Variants in KSR2 observed in about 807,000 individuals in gnomAD.
The protein encoded by KSR2 is kinase suppressor of ras 2.
Under a neutral mutation model 107.8 loss-of-function variants are expected in KSR2, and 25 were observed. The observed-to-expected ratio is 0.23, with a 90% CI of 0.17 to 0.32. KSR2 has a LOEUF of 0.32. Ranked by LOEUF, KSR2 falls within the 10% of genes least tolerant of loss-of-function variation. The probability of loss-of-function intolerance (pLI) is 1.00; values close to 1 mark genes in which losing one functional copy is unlikely to be tolerated. For missense variants in KSR2, 887 were observed against 1,268.9 expected (o/e 0.70, Z 4.57); for synonymous variants, 480 against 507.0 (o/e 0.95, Z 0.71).
At chr12:117,824,337 A>G (rs1185554209) in intron 3 of KSR2, among the ~76,000 whole-genome samples, 1 of 152,208 alleles carries the variant, frequency 6.6e-6, no homozygotes, top group Admixed American at 6.5e-5. Context: ...AAGACCTAGT[A>G]TTCAACAGAT....
chr12:117,891,911 G>C (rs1189877308), intron 1 of KSR2, among the ~76,000 whole-genome samples: 1 of 152,076 alleles, frequency 6.6e-6, no homozygotes, highest in Non-Finnish European at 1.5e-5. Flanking sequence ...GTGGTGGGAG[G>C]ATCACTTGAG....
At chr12:117,936,524 TTATTATTATTAGTAGTAGTAGTAGTAG>T (rs1382423898) in intron 1 of KSR2, among the ~76,000 whole-genome samples, 3 of 93,768 alleles carry the variant, frequency 3.2e-5, no homozygotes, top group African/African-American at 1.1e-4. Flanking sequence ...ATTATTATTA[TTATTATTATTAGTAGTAGTAGTAGTAG>T]TAGTAGTAGT....
intron 4 of KSR2, among the ~76,000 whole-genome samples, chr12:117,681,725 G>A (rs11068625): frequency 0.18 from 27,705 of 152,092 alleles, 3,169 homozygotes; most frequent in South Asian, 0.28. Flanking sequence ...TGTAAGGAAG[G>A]GGTCCAGTTT....
chr12:117,849,400 C>T (rs113283598), intron 3 of KSR2, among the ~76,000 whole-genome samples: 3,404 of 152,236 alleles, frequency 0.022, 121 homozygotes, highest in African/African-American at 0.078. Context: ...ACCATGCAAC[C>T]AATTTCGTTG....
chr12:117,915,063 T>G (rs1895135305), intron 1 of KSR2, among the ~76,000 whole-genome samples: 1 of 152,246 alleles, frequency 6.6e-6, no homozygotes, highest in South Asian at 2.1e-4. Flanking sequence ...AGCAACAGGC[T>G]GTGTCTGTAT....
intron 5 of KSR2, 140 bp downstream of exon 5, chr12:117,667,334 G>A: frequency 3.7e-6 from 3 of 813,042 alleles, no homozygotes; most frequent in Non-Finnish European, 5.8e-6. Context: ...CAGATGATGG[G>A]TGAAGCTCTA....
intron 3 of KSR2, among the ~76,000 whole-genome samples, chr12:117,787,036 A>G (rs1478359326): frequency 3.9e-5 from 6 of 152,072 alleles, no homozygotes; most frequent in Non-Finnish European, 8.8e-5. Flanking sequence ...TCTCAAAAAA[A>G]AAAAAAATTA....
intron 5 of KSR2, among the ~76,000 whole-genome samples, chr12:117,599,857 C>T (rs1214050190): frequency 6.6e-6 from 1 of 152,140 alleles, no homozygotes; most frequent in Non-Finnish European, 1.5e-5. Flanking sequence ...GAACGGTGAC[C>T]ATGGTGGGGG....
At chr12:117,495,773 G>A (rs1053466609) in intron 14 of KSR2, among the ~76,000 whole-genome samples, 9 of 152,144 alleles carry the variant, frequency 5.9e-5, no homozygotes, top group African/African-American at 1.7e-4. Context: ...GGTCAGAGGC[G>A]GCCGGGCGCA....
intron 1 of KSR2, among the ~76,000 whole-genome samples, chr12:117,951,803 TC>T (rs773168494): frequency 3.1e-4 from 47 of 152,232 alleles, no homozygotes; most frequent in Non-Finnish European, 5.3e-4. Context: ...GGAGGGAGGT[TC>T]CCAGGAAGCG....
chr12:117,885,251 C>T (rs1183913655), intron 1 of KSR2, among the ~76,000 whole-genome samples: 1 of 152,102 alleles, frequency 6.6e-6, no homozygotes, highest in Non-Finnish European at 1.5e-5. Flanking sequence ...CACTACTGCC[C>T]CTATTTATTG....
At position 117,582,286 on chromosome 12, in the gene KSR2, C is replaced by G; in HGVS notation, c.1241+4G>C. 6.2e-7 allele frequency: 1 copy of G among 1,612,964 alleles called. No individual in the cohort carries two copies. Among genetic ancestry groups the G allele is most frequent in the Non-Finnish European group, 8.5e-7 (1 of 1,179,026 alleles). The stretch of plus-strand genomic sequence containing the variant: ...GCACCAGTGCACACAGGAATCCAGC[C>G]TACCTGTGCTTGATGGAGTTGCCGA... On this transcript the variant is annotated splice_donor_region_variant and intron_variant, in intron 6 of 19. Transcript: ENST00000339824.
intron 2 of KSR2, among the ~76,000 whole-genome samples, chr12:117,856,736 G>A (rs969604350): frequency 2.0e-5 from 3 of 152,006 alleles, no homozygotes; most frequent in East Asian, 1.9e-4. Flanking sequence ...CTCAGCCTCC[G>A]AAAGTAAATA....
chr12:117,929,829 T>C (rs1895647332), intron 1 of KSR2, among the ~76,000 whole-genome samples: 2 of 152,010 alleles, frequency 1.3e-5, no homozygotes, highest in South Asian at 2.1e-4. Context: ...AGACAGAAAG[T>C]AGAATAGATG....
At chr12:117,640,440 G>A (rs928404845) in intron 5 of KSR2, among the ~76,000 whole-genome samples, 24 of 151,990 alleles carry the variant, frequency 1.6e-4, no homozygotes, top group African/African-American at 4.3e-4. Flanking sequence ...CAGTAGAGAT[G>A]GGGTTTCACC....
intron 5 of KSR2, among the ~76,000 whole-genome samples, chr12:117,595,526 G>A (rs1338423481): frequency 6.6e-6 from 1 of 151,812 alleles, no homozygotes; most frequent in South Asian, 2.1e-4. Context: ...CACCGCGCCC[G>A]GCTAATTTTT....
intron 14 of KSR2, among the ~76,000 whole-genome samples, chr12:117,497,430 C>T (rs1873098509): frequency 2.0e-5 from 3 of 150,926 alleles, no homozygotes; most frequent in South Asian, 4.1e-4. Context: ...GGCAAAGACT[C>T]TTCATTAACT....
intron 14 of KSR2, among the ~76,000 whole-genome samples, chr12:117,512,692 G>C (rs981800165): frequency 6.6e-6 from 1 of 150,896 alleles, no homozygotes; most frequent in Non-Finnish European, 1.5e-5. Flanking sequence ...TCTGAACAGC[G>C]AGATATCTAA....
intron 5 of KSR2, among the ~76,000 whole-genome samples, chr12:117,656,267 T>G (rs1884151292): frequency 6.6e-6 from 1 of 152,242 alleles, no homozygotes; most frequent in Non-Finnish European, 1.5e-5. Context: ...CATTGCTAAC[T>G]TTATATAATA....
Sources: gnomAD v4.1 joint callset for allele counts (sites outside exome capture counted in the v4.1 genomes callset) on GRCh38, gnomAD v4.1.1 for gene constraint, MANE v1.5 for transcripts, NCBI Gene and HGNC (gene_info 2026-07-23, HGNC 2026-07-21) for gene names.